CHST11: variants seen among roughly 807,000 people sequenced by gnomAD.
The protein encoded by CHST11 is carbohydrate sulfotransferase 11, also known as C4S-1.
A neutral mutation model predicts 30.4 loss-of-function variants in CHST11; 9 were observed. The observed-to-expected ratio is 0.30, with a 90% CI of 0.18 to 0.52. The LOEUF is 0.52. CHST11 is among the 20% of genes least tolerant of loss of function. The probability of loss-of-function intolerance (pLI) is 0.97; values close to 1 mark genes in which losing one functional copy is unlikely to be tolerated. For missense variants in CHST11, 348 were observed against 460.6 expected, an observed-to-expected ratio of 0.76 and a Z score of 2.24; for synonymous variants, 152 against 187.8, an observed-to-expected ratio of 0.81 and a Z score of 1.56.
chr12:104,574,018 AAAAC>A (rs2038657127), intron 1 of CHST11, among the ~76,000 whole-genome samples: 1 of 152,276 alleles, frequency 6.6e-6, no homozygotes, highest in Non-Finnish European at 1.5e-5. Flanking sequence ...TTACAAGAAA[AAAAC>A]AAACAACCCC....
At chr12:104,476,786 A>T (rs2037567283) in intron 1 of CHST11, among the ~76,000 whole-genome samples, 2 of 151,876 alleles carry the variant, frequency 1.3e-5, no homozygotes, top group Non-Finnish European at 2.9e-5. Context: ...GCTGTCATCC[A>T]GATTCCTGAT....
intron 1 of CHST11, among the ~76,000 whole-genome samples, chr12:104,497,335 G>T (rs370187770): frequency 1.8e-4 from 27 of 152,298 alleles, no homozygotes; most frequent in South Asian, 8.3e-4. Flanking sequence ...GGTTGTGCAC[G>T]CACAGAGGAA....
intron 1 of CHST11, among the ~76,000 whole-genome samples, chr12:104,460,568 G>A (rs2037398205): frequency 6.6e-6 from 1 of 151,772 alleles, no homozygotes; most frequent in Admixed American, 6.6e-5. Context: ...GGAGGCTGAG[G>A]CATGAGAATA....
rs373604601 is a variant in CHST11, at chr12:104,673,755, T to C, written c.204+71764T>C. Among the ~76,000 whole-genome samples the C allele has an allele frequency of 9.8e-5, 15 of 152,320 alleles. No homozygotes were observed. In the East Asian group the frequency reaches 2.7e-3, roughly 27 times the overall value. On this transcript the variant is annotated intron_variant, in intron 2 of 2. Transcript: ENST00000303694. The stretch of plus-strand genomic sequence containing the variant: ...TCGACCTACTTAAAATCACTTGGAA[T>C]TTGTTGCCGTGTGACCTTGGGCAAG...
chr12:104,508,051 G>T (rs2037923999), intron 1 of CHST11, among the ~76,000 whole-genome samples: 1 of 152,118 alleles, frequency 6.6e-6, no homozygotes, highest in African/African-American at 2.4e-5. Context: ...CCAGTCTTAG[G>T]ACAGAGGATC....
At chr12:104,571,193 TG>T (rs2038622188) in intron 1 of CHST11, among the ~76,000 whole-genome samples, 1 of 151,728 alleles carries the variant, frequency 6.6e-6, no homozygotes, top group African/African-American at 2.4e-5. Context: ...GATGGAGTTT[TG>T]CTCTTATTGC....
At chr12:104,578,062 G>A (rs915602910) in intron 1 of CHST11, among the ~76,000 whole-genome samples, 10 of 152,178 alleles carry the variant, frequency 6.6e-5, no homozygotes, top group Non-Finnish European at 7.3e-5. Flanking sequence ...ACTTCACAGC[G>A]GTAGAAGGGA....
chr12:104,708,538 C>T (rs1315407408), intron 2 of CHST11, among the ~76,000 whole-genome samples: 1 of 152,166 alleles, frequency 6.6e-6, no homozygotes, highest in Non-Finnish European at 1.5e-5. Context: ...GGAGTGACAG[C>T]TCCGAGGCTG....
intron 2 of CHST11, among the ~76,000 whole-genome samples, chr12:104,631,354 G>A (rs1160720067): frequency 6.6e-6 from 1 of 152,060 alleles, no homozygotes; most frequent in African/African-American, 2.4e-5. Flanking sequence ...CGGTGGTAGC[G>A]GACCCTGTTG....
chr12:104,632,663 A>G (rs2039282328), intron 2 of CHST11, among the ~76,000 whole-genome samples: 3 of 152,244 alleles, frequency 2.0e-5, no homozygotes, highest in South Asian at 2.1e-4. Context: ...GTTTTAGCCC[A>G]TCAGTCTGCT....
At chr12:104,640,217 C>A (rs2039362157) in intron 2 of CHST11, among the ~76,000 whole-genome samples, 1 of 152,188 alleles carries the variant, frequency 6.6e-6, no homozygotes, top group South Asian at 2.1e-4. Context: ...CCAGCAGTTG[C>A]ACTCCTTAGT....
chr12:104,652,710 G>A (rs925744017), intron 2 of CHST11, among the ~76,000 whole-genome samples: 2 of 152,206 alleles, frequency 1.3e-5, no homozygotes, highest in African/African-American at 2.4e-5. Flanking sequence ...GGGAAGACCC[G>A]AAGCCCCAAC....
intron 1 of CHST11, among the ~76,000 whole-genome samples, chr12:104,486,300 T>C (rs1196019480): frequency 9.2e-6 from 1 of 108,662 alleles, no homozygotes. Flanking sequence ...TTAAAGTCAG[T>C]GTGATTTTTT....
At chr12:104,601,177 A>G (rs1467248554) in intron 1 of CHST11, among the ~76,000 whole-genome samples, 3 of 151,992 alleles carry the variant, frequency 2.0e-5, no homozygotes, top group Non-Finnish European at 4.4e-5. Flanking sequence ...TATGCGTTAC[A>G]TAATGCATGA....
At chr12:104,661,079 T>C (rs1455080333) in intron 2 of CHST11, among the ~76,000 whole-genome samples, 4 of 152,186 alleles carry the variant, frequency 2.6e-5, no homozygotes, top group Non-Finnish European at 5.9e-5. Context: ...AGAAGAGCGA[T>C]TCACCTGTGC....
chr12:104,544,118 T>A (rs2038312733), intron 1 of CHST11, among the ~76,000 whole-genome samples: 1 of 84,702 alleles, frequency 1.2e-5, no homozygotes, highest in Non-Finnish European at 2.4e-5. Context: ...AGAGAGACCC[T>A]GTCTGTTAAA....
chr12:104,742,945 G>T (rs901298541), intron 2 of CHST11, among the ~76,000 whole-genome samples: 1 of 152,228 alleles, frequency 6.6e-6, no homozygotes, highest in African/African-American at 2.4e-5. Context: ...CTAAGCTCCT[G>T]TGTGGCAGCC....
intron 2 of CHST11, among the ~76,000 whole-genome samples, chr12:104,699,815 C>CT (rs2039976991): frequency 6.6e-6 from 1 of 152,338 alleles, no homozygotes; most frequent in South Asian, 2.1e-4. Flanking sequence ...ACTATAGTCA[C>CT]TATAGCTTCA....
At chr12:104,668,666 G>A (rs550230096) in intron 2 of CHST11, among the ~76,000 whole-genome samples, 45 of 152,252 alleles carry the variant, frequency 3.0e-4, no homozygotes, top group Non-Finnish European at 5.9e-4. Context: ...TTATCCCCCC[G>A]GGTGGATAGC....
Sources: allele counts gnomAD v4.1 joint callset (sites outside exome capture counted in the v4.1 genomes callset), GRCh38; gene constraint gnomAD v4.1.1; transcripts MANE v1.5; gene names NCBI Gene and HGNC (gene_info 2026-07-23, HGNC 2026-07-21).